The following PEAK1 variants were observed in gnomAD, a reference collection of about 807,000 sequenced individuals.
PEAK1 encodes pseudopodium enriched atypical kinase 1, also known as inactive tyrosine-protein kinase PEAK1.
Under a neutral mutation model 124.7 loss-of-function variants are expected in PEAK1, and 54 were observed. That is an observed-to-expected ratio of 0.43 (90% CI 0.35 to 0.54). PEAK1 has a LOEUF of 0.54. PEAK1 is among the 20% of genes least tolerant of loss of function. PEAK1 has a pLI of 0.01. For missense variants in PEAK1, 2,046 were observed against 2,134.5 expected (o/e 0.96, Z 0.82); for synonymous variants, 719 against 760.0 (o/e 0.95, Z 0.89).
intron 5 of PEAK1, among the ~76,000 whole-genome samples, chr15:77,255,143 T>G (rs2061068227): frequency 6.6e-6 from 1 of 152,132 alleles, no homozygotes; most frequent in Non-Finnish European, 1.5e-5. Context: ...AGAAAAAATG[T>G]TTCTAAATTA....
At chr15:77,408,569 C>T (rs1195440105) in intron 1 of PEAK1, among the ~76,000 whole-genome samples, 1 of 152,000 alleles carries the variant, frequency 6.6e-6, no homozygotes, top group Non-Finnish European at 1.5e-5. Context: ...AGGAATACTG[C>T]TGCAGAAACA....
At chr15:77,241,502 G>A (rs60761381) in intron 6 of PEAK1, among the ~76,000 whole-genome samples, 2 of 151,684 alleles carry the variant, frequency 1.3e-5, no homozygotes, top group African/African-American at 4.8e-5. Context: ...AGAAGTAAAA[G>A]GCATATATAT....
chr15:77,391,241 T>TGAAACAA, intron 1 of PEAK1, among the ~76,000 whole-genome samples: 1 of 152,182 alleles, frequency 6.6e-6, no homozygotes, highest in South Asian at 2.1e-4. Flanking sequence ...CTCCTTGCTC[T>TGAAACAA]GAAACAAGAA....
At chr15:77,302,152 C>T (rs1488924776) in intron 2 of PEAK1, among the ~76,000 whole-genome samples, 1 of 152,100 alleles carries the variant, frequency 6.6e-6, no homozygotes, top group Non-Finnish European at 1.5e-5. Context: ...CCAAGGAATC[C>T]TGATTCCTAA....
downstream of PEAK1, chr15:77,106,946 G>C (rs143505642): frequency 6.6e-6 from 1 of 152,202 alleles, no homozygotes; most frequent in Non-Finnish European, 1.5e-5. Flanking sequence ...TTCAGCCTTC[G>C]TATAAGGGCA....
intron 2 of PEAK1, among the ~76,000 whole-genome samples, chr15:77,332,716 C>G (rs1284170056): frequency 6.6e-6 from 1 of 152,096 alleles, no homozygotes; most frequent in Non-Finnish European, 1.5e-5. Context: ...TTTTTAAAAG[C>G]TTTACCAATC....
rs2066179350 is a variant in PEAK1 at position 77,336,048 on chromosome 15, A to G, written c.-603+29115T>C. On this transcript the variant is annotated intron_variant, in intron 2 of 9. Coordinates refer to ENST00000682557, the MANE Select transcript of PEAK1 (RefSeq NM_001385026.1). ...CTGTGTCTTAATTTTTGAAGGTAAGATAACAAGAATAACAGTGCCATTAAA... is the reference window on the plus strand; with the variant it reads ...CTGTGTCTTAATTTTTGAAGGTAAGGTAACAAGAATAACAGTGCCATTAAA... 10 of 985,326 alleles carry G rather than the reference A, an allele frequency of 1.0e-5. No individual in the cohort carries two copies. In the South Asian group the frequency reaches 1.4e-4, roughly 14 times the overall value. The allele number at this position is 985,326 out of a possible 1,614,324, so 61.0% of individuals were successfully genotyped here. A position where few individuals can be genotyped will look rare whatever the true frequency, so the allele number is the denominator to read the frequency against.
chr15:77,393,688 T>C (rs1332820538), intron 1 of PEAK1, among the ~76,000 whole-genome samples: 1 of 152,046 alleles, frequency 6.6e-6, no homozygotes, highest in Non-Finnish European at 1.5e-5. Flanking sequence ...ACCTAACACC[T>C]CATACATTCC....
intron 5 of PEAK1, among the ~76,000 whole-genome samples, chr15:77,262,987 C>G (rs1468847517): frequency 6.6e-6 from 1 of 152,122 alleles, no homozygotes; most frequent in African/African-American, 2.4e-5. Context: ...ACTGAACAAC[C>G]TGCTCCTGAA....
At chr15:77,345,230 A>G (rs555925163) in intron 2 of PEAK1, among the ~76,000 whole-genome samples, 3 of 152,154 alleles carry the variant, frequency 2.0e-5, no homozygotes, top group African/African-American at 7.2e-5. Flanking sequence ...TAATTTGTTG[A>G]GTGTTTTTTA....
intron 2 of PEAK1, among the ~76,000 whole-genome samples, chr15:77,311,675 C>T (rs377311104): frequency 8.1e-5 from 10 of 123,882 alleles, no homozygotes; most frequent in Admixed American, 3.6e-4. Flanking sequence ...TCCAACCCCC[C>T]CAACCCCCAC....
At chr15:77,164,637 A>G (rs1239757845) in intron 7 of PEAK1, among the ~76,000 whole-genome samples, 1 of 152,250 alleles carries the variant, frequency 6.6e-6, no homozygotes, top group Non-Finnish European at 1.5e-5. Flanking sequence ...TATGAAATAC[A>G]AAGTCAGAAT....
At chr15:77,119,296 T>G (rs1430410783) in intron 9 of PEAK1, among the ~76,000 whole-genome samples, 1 of 152,224 alleles carries the variant, frequency 6.6e-6, no homozygotes, top group Admixed American at 6.5e-5. Context: ...AGTCAGCTGG[T>G]ATATACATAT....
At chr15:77,191,262 T>C (rs933040442) in intron 6 of PEAK1, among the ~76,000 whole-genome samples, 2 of 152,216 alleles carry the variant, frequency 1.3e-5, no homozygotes, top group African/African-American at 4.8e-5. Context: ...TGAATTAAGA[T>C]AAAATATATA....
At chr15:77,215,439 G>A (rs1158653226) in intron 6 of PEAK1, among the ~76,000 whole-genome samples, 2 of 152,280 alleles carry the variant, frequency 1.3e-5, no homozygotes, top group South Asian at 4.1e-4. Flanking sequence ...GGATGCTCAA[G>A]TCCTTTATAT....
chr15:77,293,566 C>T (rs1310280482), intron 2 of PEAK1, among the ~76,000 whole-genome samples: 1 of 152,208 alleles, frequency 6.6e-6, no homozygotes, highest in Non-Finnish European at 1.5e-5. Flanking sequence ...TTTGAAGCCC[C>T]TCCAACGCTG....
intron 2 of PEAK1, chr15:77,346,268 C>T (rs972286719): frequency 2.1e-6 from 2 of 933,878 alleles, no homozygotes; most frequent in African/African-American, 3.6e-5. Flanking sequence ...ATGTTGCTGT[C>T]TTGACTCAGA....
chr15:77,372,887 T>C (rs1303159609), intron 1 of PEAK1, among the ~76,000 whole-genome samples: 1 of 152,198 alleles, frequency 6.6e-6, no homozygotes, highest in African/African-American at 2.4e-5. Context: ...TCTCTCTTTA[T>C]GCCTGCTTCC....
intron 1 of PEAK1, chr15:77,403,262 C>T: frequency 2.0e-6 from 2 of 985,086 alleles, no homozygotes; most frequent in Non-Finnish European, 2.4e-6. Flanking sequence ...ATACCAACAA[C>T]AAGATTTCAA....
Sources: gnomAD v4.1 joint callset for allele counts (sites outside exome capture counted in the v4.1 genomes callset) on GRCh38, gnomAD v4.1.1 for gene constraint, MANE v1.5 for transcripts, NCBI Gene and HGNC (gene_info 2026-07-23, HGNC 2026-07-21) for gene names.